CLIC4: variants seen among roughly 807,000 people sequenced by gnomAD.
CLIC4 encodes chloride intracellular channel protein 4.
Under a neutral mutation model 24.6 loss-of-function variants are expected in CLIC4, and 13 were observed. The ratio of observed to expected loss-of-function variants is 0.53; its 90% confidence interval spans 0.34 to 0.84. CLIC4 has a LOEUF of 0.84. CLIC4 is among the 40% of genes least tolerant of loss of function. CLIC4 has a pLI of 0.01. For missense variants in CLIC4, 227 were observed against 301.7 expected (o/e 0.75, Z 1.83); for synonymous variants, 104 against 111.3 (o/e 0.93, Z 0.41).
At chr1:24,757,779 T>C (rs1418715990) in intron 1 of CLIC4, among the ~76,000 whole-genome samples, 1 of 152,208 alleles carries the variant, frequency 6.6e-6, no homozygotes, top group Non-Finnish European at 1.5e-5. Context: ...TTTCTTTCTT[T>C]TTTTTTGAGA....
intron 1 of CLIC4, among the ~76,000 whole-genome samples, chr1:24,754,931 G>A (rs993038318): frequency 6.6e-6 from 1 of 151,748 alleles, no homozygotes; most frequent in Non-Finnish European, 1.5e-5. Flanking sequence ...AATTAGCTGG[G>A]CGTGGTGGTG....
In CLIC4 at chr1:24,784,559, G is replaced by T. The variant is rs568305324; in HGVS notation, c.73-13183G>T. Among the ~76,000 whole-genome samples, 18 of 152,264 alleles carry T rather than the reference G, an allele frequency of 1.2e-4. No individual in the cohort carries two copies. The South Asian group carries it at 1.2e-3, about 11-fold the overall frequency. On this transcript the variant is annotated intron_variant, in intron 1 of 5. Transcript: ENST00000374379. Reference sequence around the variant, plus strand: ...CTGTCCTGGAGTTTCTTCTAGCCCTGGTAATTGGGCATCCTGATGTAATTT... The same window carrying T: ...CTGTCCTGGAGTTTCTTCTAGCCCTTGTAATTGGGCATCCTGATGTAATTT...
intron 1 of CLIC4, among the ~76,000 whole-genome samples, chr1:24,763,089 C>T (rs1638948197): frequency 6.6e-6 from 1 of 152,070 alleles, no homozygotes; most frequent in Non-Finnish European, 1.5e-5. Flanking sequence ...TTACTTGAGG[C>T]CAAGTAAACT....
chr1:24,798,613 G>T (rs932632971), intron 2 of CLIC4, among the ~76,000 whole-genome samples: 1 of 152,186 alleles, frequency 6.6e-6, no homozygotes, highest in Non-Finnish European at 1.5e-5. Context: ...CAAGGGTTAA[G>T]AATAGTTGTA....
intron 1 of CLIC4, among the ~76,000 whole-genome samples, chr1:24,755,590 C>A (rs1308939493): frequency 1.3e-5 from 2 of 150,706 alleles, no homozygotes; most frequent in Non-Finnish European, 2.9e-5. Flanking sequence ...GCCTGGGTGA[C>A]CGACGGAGAT....
At chr1:24,815,406 G>A (rs1199267799) in intron 3 of CLIC4, among the ~76,000 whole-genome samples, 2 of 152,162 alleles carry the variant, frequency 1.3e-5, no homozygotes, top group Non-Finnish European at 1.5e-5. Context: ...GGAGGCTGAG[G>A]CAGGAGAATT....
Position 24,796,583 on chromosome 1 carries a change from C to T in CLIC4, c.73-1159C>T, listed in dbSNP as rs185660752. ...TTCCACTTGCCTACAGTATTCAGTA[C>T]AGTAACATGCTGTACAGGTTTGTAG... On this transcript the variant is annotated intron_variant, in intron 1 of 5. Transcript: ENST00000374379. 3.9e-3 allele frequency among the ~76,000 whole-genome samples: 599 copies of T among 152,308 alleles called. 2 individuals carry two copies. The highest frequency in any genetic ancestry group is 7.4e-3 in the Admixed American group (113 of 15,298).
intron 2 of CLIC4, among the ~76,000 whole-genome samples, chr1:24,805,382 G>A (rs1361601033): frequency 2.0e-5 from 3 of 152,054 alleles, no homozygotes; most frequent in Admixed American, 2.0e-4. Flanking sequence ...CCAGAATATA[G>A]CAAATCTAGT....
chr1:24,837,375 G>C lies in CLIC4; in HGVS notation c.416-2485G>C, dbSNP rs114784964. 8.1e-3 allele frequency among the ~76,000 whole-genome samples: 1,235 copies of C among 152,264 alleles called. 12 individuals are homozygous for C. The highest frequency in any genetic ancestry group is 0.027 in the African/African-American group (1,105 of 41,578). On this transcript the variant is annotated intron_variant, in intron 4 of 5. Coordinates refer to ENST00000374379, the MANE Select transcript of CLIC4 (RefSeq NM_013943.3). ...ATTGACACAAGGAGGAATTAAAAAT[G>C]TGAATATTCTTATATCATTTAAATT...
intron 2 of CLIC4, among the ~76,000 whole-genome samples, chr1:24,798,631 T>TCTC (rs1639433596): frequency 2.0e-5 from 3 of 152,202 alleles, no homozygotes; most frequent in Non-Finnish European, 2.9e-5. Context: ...GTATTGCTCT[T>TCTC]CCTCTCCCTC....
At chr1:24,812,768 G>A (rs1251620407) in intron 2 of CLIC4, among the ~76,000 whole-genome samples, 1 of 152,106 alleles carries the variant, frequency 6.6e-6, no homozygotes, top group Non-Finnish European at 1.5e-5. Flanking sequence ...CACCAGGCTG[G>A]AGTGCAGTGG....
chr1:24,797,714 G>A, intron 1 of CLIC4, 28 bp from the exon 2 acceptor site: 11 of 1,518,366 alleles, frequency 7.2e-6, no homozygotes, highest in Non-Finnish European at 9.9e-6. Flanking sequence ...CTTTGACCTT[G>A]TTTTTAATGT....
chr1:24,759,851 G>A (rs1334043011), intron 1 of CLIC4, among the ~76,000 whole-genome samples: 1 of 152,060 alleles, frequency 6.6e-6, no homozygotes, highest in African/African-American at 2.4e-5. Context: ...TTGCTTGGGG[G>A]CTGAGGCAGG....
At chr1:24,765,668 A>G (rs1410809976) in intron 1 of CLIC4, among the ~76,000 whole-genome samples, 1 of 152,142 alleles carries the variant, frequency 6.6e-6, no homozygotes, top group Non-Finnish European at 1.5e-5. Flanking sequence ...GTTAGATTAT[A>G]CCGTTGCCTC....
At chr1:24,761,220 AC>A (rs993923981) in intron 1 of CLIC4, among the ~76,000 whole-genome samples, 1 of 152,116 alleles carries the variant, frequency 6.6e-6, no homozygotes, top group African/African-American at 2.4e-5. Context: ...TAGTTTTTTG[AC>A]GTGTTAAATT....
chr1:24,766,374 C>T (rs1638995575), intron 1 of CLIC4, among the ~76,000 whole-genome samples: 1 of 151,580 alleles, frequency 6.6e-6, no homozygotes, highest in Non-Finnish European at 1.5e-5. Flanking sequence ...TCAAATGATC[C>T]ACCTATCTTG....
At chr1:24,799,595 A>G (rs1639452640) in intron 2 of CLIC4, among the ~76,000 whole-genome samples, 2 of 135,886 alleles carry the variant, frequency 1.5e-5, no homozygotes, top group African/African-American at 3.0e-5. Context: ...TCGGGGAGGG[A>G]GGTGGGGGGG....
Position 24,761,998 on chromosome 1 carries a change from G to A in CLIC4, c.72+16373G>A, listed in dbSNP as rs538310896. Among the ~76,000 whole-genome samples the A allele has an allele frequency of 3.3e-5, 5 of 152,286 alleles. No homozygotes were observed. The South Asian group carries it at 1.0e-3, about 32-fold the overall frequency. On this transcript the variant is annotated intron_variant, in intron 1 of 5. Coordinates refer to ENST00000374379, the MANE Select transcript of CLIC4 (RefSeq NM_013943.3). ...GATGGCTGAGATGTCAAGTGGAGAT[G>A]TTGGTAGAAAGTTGGACCTACAGAT... is the stretch of plus-strand genomic sequence containing the variant.
chr1:24,748,499 GTTT>G (rs869153638), intron 1 of CLIC4, among the ~76,000 whole-genome samples: 7 of 80,620 alleles, frequency 8.7e-5, no homozygotes, highest in Non-Finnish European at 1.1e-4. Context: ...CAGGTTTTTT[GTTT>G]TTTTTTTTTT....
Sources: gnomAD v4.1 joint callset for allele counts (sites outside exome capture counted in the v4.1 genomes callset) on GRCh38, gnomAD v4.1.1 for gene constraint, MANE v1.5 for transcripts, NCBI Gene and HGNC (gene_info 2026-07-23, HGNC 2026-07-21) for gene names.